JAKMIP3: variants seen among roughly 807,000 people sequenced by gnomAD.
JAKMIP3 encodes Janus kinase and microtubule interacting protein 3.
In JAKMIP3, 58 loss-of-function variants were observed where a neutral mutation model predicts 118.5. The ratio of observed to expected loss-of-function variants is 0.49; its 90% CI spans 0.40 to 0.61. JAKMIP3 has a LOEUF of 0.61. Among genes scored for constraint, JAKMIP3 ranks in the 20% least tolerant of loss-of-function variants. The pLI, the probability that JAKMIP3 is intolerant of heterozygous loss-of-function variation, is 0.00. For missense variants in JAKMIP3, 950 were observed against 1,109.0 expected, an observed-to-expected ratio of 0.86 and a Z score of 2.04; for synonymous variants, 486 against 451.2, an observed-to-expected ratio of 1.08 and a Z score of -0.98.
chr10:132,107,874 C>A (rs1005777649), intron 2 of JAKMIP3, among the ~76,000 whole-genome samples: 1 of 152,260 alleles, frequency 6.6e-6, no homozygotes, highest in Non-Finnish European at 1.5e-5. Flanking sequence ...GACGTTCTTG[C>A]AAGCCAAATT....
At chr10:132,153,085 C>T in intron 17 of JAKMIP3, 62 bp downstream of exon 17, 8 of 1,366,014 alleles carry the variant, frequency 5.9e-6, no homozygotes, top group Non-Finnish European at 8.2e-6. Context: ...CTGCCCTGCT[C>T]AGCTCAGAGG....
intron 23 of JAKMIP3, among the ~76,000 whole-genome samples, chr10:132,180,182 A>AT (rs2060597475): frequency 1.3e-5 from 2 of 152,180 alleles, no homozygotes; most frequent in Admixed American, 1.3e-4. Flanking sequence ...GACGCCAGCC[A>AT]ATGGCCACCG....
chr10:132,063,655 GGA>G (rs147439559), upstream of JAKMIP3, among the ~76,000 whole-genome samples: 394 of 152,334 alleles, frequency 2.6e-3, 2 homozygotes, highest in Non-Finnish European at 4.1e-3. Context: ...CTGGGCTCCG[GGA>G]GAGAACGGAC....
chr10:132,134,042 G>A (rs771306138), intron 4 of JAKMIP3, among the ~76,000 whole-genome samples: 13 of 152,216 alleles, frequency 8.5e-5, no homozygotes, highest in Admixed American at 2.0e-4. Context: ...GCCACTCTGC[G>A]CTCCTCCCTG....
intron 1 of JAKMIP3, among the ~76,000 whole-genome samples, chr10:132,052,587 T>G (rs2038131436): frequency 6.6e-6 from 1 of 152,214 alleles, no homozygotes; most frequent in African/African-American, 2.4e-5. Flanking sequence ...TTTGTTTGTT[T>G]CTTTGTACTT....
chr10:132,154,080 C>CAG, intron 19 of JAKMIP3, 90 bp downstream of exon 19: 1 of 1,186,210 alleles, frequency 8.4e-7, no homozygotes. Flanking sequence ...CCTCAGGTGC[C>CAG]CATGTGGGCC....
At position 132,153,664 on chromosome 10, in the gene JAKMIP3, G is replaced by A. The variant is rs965591943; in HGVS notation, c.2074-95G>A. 5.9e-6 allele frequency: 7 copies of A among 1,190,384 alleles called. No homozygotes were observed. In the African/African-American group the frequency reaches 7.5e-5, roughly 13 times the overall value. 73.7% of individuals were successfully genotyped at this position (1,190,384 alleles called of 1,614,324 possible). ...CCTCCCTAAGGAGAAGAGGAAGGAA[G>A]ACCCAGGCTGTCCTGGCTTTTCTCC... On this transcript the variant is annotated intron_variant, in intron 17 of 23. Transcript: ENST00000684848.
intron 3 of JAKMIP3, among the ~76,000 whole-genome samples, chr10:132,121,151 C>T (rs2048477743): frequency 6.6e-6 from 1 of 152,094 alleles, no homozygotes; most frequent in Admixed American, 6.6e-5. Flanking sequence ...CAGGGCCCTG[C>T]CCCAAGTGTC....
rs1419908183 is a variant in JAKMIP3 at position 132,158,606 on chromosome 10, CTCCTGTGAGATGCTGTGGGAGGAGCATCT to C, written c.2221-4580_2221-4552del. Among the ~76,000 whole-genome samples the C allele has an allele frequency of 3.3e-3, 498 of 151,872 alleles. 2 individuals are homozygous for C. Among genetic ancestry groups the C allele is most frequent in the African/African-American group, 0.011 (459 of 41,330 alleles). On this transcript the variant is annotated intron_variant, in intron 19 of 23. Transcript: ENST00000684848. ...TACTCTGGAGGGGACTGGGGGCATC[CTCCTGTGAGATGCTGTGGGAGGAGCATCT>C]TCCTGTGAGATGCTGTGGGAGGGGC...
intron 23 of JAKMIP3, among the ~76,000 whole-genome samples, chr10:132,181,773 C>G (rs1479428369): frequency 6.6e-6 from 1 of 152,124 alleles, no homozygotes; most frequent in African/African-American, 2.4e-5. Flanking sequence ...ACCGTGGTGT[C>G]TCTACGGCCG....
chr10:132,146,842 C>T (rs1414805283), intron 13 of JAKMIP3, among the ~76,000 whole-genome samples: 1 of 152,218 alleles, frequency 6.6e-6, no homozygotes, highest in Non-Finnish European at 1.5e-5. Flanking sequence ...AGTGCGTTTC[C>T]ACAGGGCTCA....
chr10:132,130,243 AT>A (rs1564933313), intron 3 of JAKMIP3, among the ~76,000 whole-genome samples: 2 of 152,018 alleles, frequency 1.3e-5, no homozygotes, highest in East Asian at 1.9e-4. Flanking sequence ...TCATCTGTGT[AT>A]TTTTTTCCCA....
intron 1 of JAKMIP3, among the ~76,000 whole-genome samples, chr10:132,081,827 G>A (rs1038281705): frequency 1.3e-5 from 2 of 152,022 alleles, no homozygotes; most frequent in Non-Finnish European, 2.9e-5. Flanking sequence ...AGAACCACAC[G>A]TCGCTTCCCT....
At chr10:132,122,621 C>T (rs1016315921) in intron 3 of JAKMIP3, among the ~76,000 whole-genome samples, 1 of 152,308 alleles carries the variant, frequency 6.6e-6, no homozygotes, top group East Asian at 1.9e-4. Flanking sequence ...AAGTGTGGCA[C>T]CTGGTGAGGG....
At chr10:132,078,646 G>A (rs1294845626) in intron 1 of JAKMIP3, among the ~76,000 whole-genome samples, 1 of 151,256 alleles carries the variant, frequency 6.6e-6, no homozygotes, top group African/African-American at 2.4e-5. Flanking sequence ...CCCGTTTCTG[G>A]CCATGTGCTC....
At chr10:132,115,547 A>G (rs779075516) in intron 2 of JAKMIP3, among the ~76,000 whole-genome samples, 4 of 152,066 alleles carry the variant, frequency 2.6e-5, no homozygotes, top group Non-Finnish European at 5.9e-5. Context: ...GGAGATGTTG[A>G]CCTGTGACTC....
At chr10:132,062,556 G>A (rs1376040034), upstream of JAKMIP3, among the ~76,000 whole-genome samples, 1 of 152,266 alleles carries the variant, frequency 6.6e-6, no homozygotes, top group Non-Finnish European at 1.5e-5. Context: ...ACGCACCAGT[G>A]CGGATAGCCC....
At chr10:132,125,498 G>A (rs1005735243) in intron 3 of JAKMIP3, among the ~76,000 whole-genome samples, 23 of 152,348 alleles carry the variant, frequency 1.5e-4, no homozygotes, top group Admixed American at 4.6e-4. Context: ...ACATCTCGTC[G>A]TCTAAGTTCT....
At chr10:132,180,768 T>C (rs28491258) in intron 23 of JAKMIP3, among the ~76,000 whole-genome samples, 2,364 of 32,472 alleles carry the variant, frequency 0.073, 685 homozygotes, top group Non-Finnish European at 0.09. Flanking sequence ...TGCGTGTGTG[T>C]GCGTGTGTGT....
Sources: gnomAD v4.1 joint callset for allele counts (sites outside exome capture counted in the v4.1 genomes callset) on GRCh38, gnomAD v4.1.1 for gene constraint, MANE v1.5 for transcripts, NCBI Gene and HGNC (gene_info 2026-07-23, HGNC 2026-07-21) for gene names.